ADGRG2: variants seen among roughly 807,000 people sequenced by gnomAD.
The protein encoded by ADGRG2 is G protein-coupled receptor 64.
Under a neutral mutation model 74.1 loss-of-function variants are expected in ADGRG2, and 26 were observed. The ratio of observed to expected loss-of-function variants is 0.35; its 90% CI spans 0.26 to 0.49. The LOEUF (loss-of-function observed/expected upper bound fraction) is 0.49, where lower values mean the gene tolerates loss of function less well. Ranked by LOEUF, ADGRG2 falls within the 20% of genes least tolerant of loss-of-function variation. The pLI, the probability that ADGRG2 is intolerant of heterozygous loss-of-function variation, is 0.99. For missense variants in ADGRG2, 619 were observed against 763.1 expected, an observed-to-expected ratio of 0.81 and a Z score of 2.22; for synonymous variants, 296 against 295.2, an observed-to-expected ratio of 1.00 and a Z score of -0.03.
intron 2 of ADGRG2, among the ~76,000 whole-genome samples, chrX:19,070,967 CTTCA>C (rs368910522): frequency 0.018 from 2,012 of 111,096 alleles, 15 homozygotes; most frequent in African/African-American, 0.031. Context: ...TAGCTGTGCT[CTTCA>C]TTCATTCATT....
intron 2 of ADGRG2, among the ~76,000 whole-genome samples, chrX:19,074,121 GA>G (rs1326223867): frequency 7.4e-5 from 8 of 107,487 alleles, no homozygotes; most frequent in Non-Finnish European, 1.2e-4. Flanking sequence ...ATATCTCAGG[GA>G]AAAAAAAAAT....
chrX:19,089,388 ACAAGTTTACC>A (rs1424317894), intron 1 of ADGRG2, among the ~76,000 whole-genome samples: 6 of 111,481 alleles, frequency 5.4e-5, no homozygotes, highest in African/African-American at 2.0e-4. Flanking sequence ...CCCCCATGAC[ACAAGTTTACC>A]CATATAACAA....
At chrX:19,058,265 G>T (rs2061435436) in intron 3 of ADGRG2, among the ~76,000 whole-genome samples, 3 of 111,280 alleles carry the variant, frequency 2.7e-5, no homozygotes. Context: ...GTCATATTAT[G>T]CAACTCACTT....
intron 3 of ADGRG2, among the ~76,000 whole-genome samples, chrX:19,056,091 T>C (rs964464137): frequency 1.8e-5 from 2 of 110,344 alleles, no homozygotes; most frequent in Non-Finnish European, 3.8e-5. Flanking sequence ...TATACCCACA[T>C]CCATTGGCCA....
chrX:19,010,670 T>C lies in ADGRG2; in HGVS notation c.1208A>G (p.Asn403Ser). 1 of 1,209,399 alleles carries C rather than the reference T, an allele frequency of 8.3e-7. No homozygotes were observed. Among genetic ancestry groups the C allele is most frequent in the South Asian group, 1.8e-5 (1 of 56,743 alleles). ...GGAATGAAGGAGTCTGCTGACTTGG[T>C]TGATCATTTCTCCTGCGAGGTTAGG... ...LEPNLAGEMI[N>S]QVSRLLHSPP... Residue 403 changes from asparagine to serine, a missense_variant, in exon 17 of 29, where the codon AAC becomes AGC. Transcript: ENST00000379869.
chrX:19,018,273 TTTTGTTTGTTTG>T (rs974836715), intron 15 of ADGRG2, among the ~76,000 whole-genome samples: 1 of 109,466 alleles, frequency 9.1e-6, no homozygotes, highest in Non-Finnish European at 1.9e-5. Context: ...ATGCCCAGTT[TTTTGTTTGTTTG>T]TTTGTTTGTT....
At chrX:19,048,734 G>A (rs1316231059) in intron 3 of ADGRG2, among the ~76,000 whole-genome samples, 2 of 112,250 alleles carry the variant, frequency 1.8e-5, no homozygotes, top group Non-Finnish European at 3.8e-5. Context: ...GCTGGTCCTG[G>A]CCCGTGCTGA....
In ADGRG2 at chrX:18,999,407, A is replaced by G. The variant is rs1053062381; in HGVS notation, c.2331-128T>C. Reference sequence around the variant, plus strand: ...CTACCAGTACAAGAGAAAAAAAATGATAAAACTGCTATTCTCTACAACCAT... The same window carrying G: ...CTACCAGTACAAGAGAAAAAAAATGGTAAAACTGCTATTCTCTACAACCAT... On this transcript the variant is annotated intron_variant, in intron 25 of 28. Transcript: ENST00000379869. The G allele has an allele frequency of 4.8e-5, 26 of 545,673 alleles. No homozygotes were observed. The Admixed American group carries it at 8.3e-4, about 17-fold the overall frequency. The allele number at this position is 545,673 out of a possible 1,213,427, so 45.0% of individuals were successfully genotyped here.
At chrX:19,043,164 T>C (rs971633285) in intron 3 of ADGRG2, among the ~76,000 whole-genome samples, 1 of 111,867 alleles carries the variant, frequency 8.9e-6, no homozygotes, top group African/African-American at 3.3e-5. Context: ...TCTGCTTTTT[T>C]CTTTTGGCAT....
chrX:19,055,298 G>A (rs997158710), intron 3 of ADGRG2, among the ~76,000 whole-genome samples: 2 of 111,787 alleles, frequency 1.8e-5, no homozygotes, highest in Admixed American at 9.4e-5. Context: ...GCGCGCACGC[G>A]CGTGCACGCA....
chrX:19,019,004 G>A (rs948636057), intron 15 of ADGRG2, among the ~76,000 whole-genome samples: 38 of 111,122 alleles, frequency 3.4e-4, no homozygotes, highest in South Asian at 7.5e-4. Context: ...CACCATGCCC[G>A]GCTAATTTTT....
chrX:19,067,805 C>T (rs1487035818), intron 3 of ADGRG2, among the ~76,000 whole-genome samples: 1 of 111,809 alleles, frequency 8.9e-6, no homozygotes, highest in Non-Finnish European at 1.9e-5. Context: ...AAAAACAACC[C>T]AATTCAAAAC....
chrX:19,082,993 ATGTGT>A (rs764804003), intron 1 of ADGRG2, among the ~76,000 whole-genome samples: 2 of 110,072 alleles, frequency 1.8e-5, no homozygotes, highest in Non-Finnish European at 3.8e-5. Context: ...GATCTTGTTA[ATGTGT>A]TTTGTTTTGT....
At chrX:19,091,352 G>T (rs1028181429) in intron 1 of ADGRG2, among the ~76,000 whole-genome samples, 14 of 110,163 alleles carry the variant, frequency 1.3e-4, no homozygotes, top group African/African-American at 4.6e-4. Flanking sequence ...GAATAGGAGG[G>T]GGTCTTAGTG....
At chrX:19,119,010 C>T (rs2062570805) in intron 1 of ADGRG2, among the ~76,000 whole-genome samples, 2 of 111,802 alleles carry the variant, frequency 1.8e-5, no homozygotes, top group South Asian at 7.5e-4. Context: ...GGACAGCAAA[C>T]AAATCAGTGG....
chrX:19,114,011 G>A (rs1457433882), intron 1 of ADGRG2, among the ~76,000 whole-genome samples: 1 of 104,013 alleles, frequency 9.6e-6, no homozygotes, highest in Non-Finnish European at 2.0e-5. Flanking sequence ...GGCAGAGGTT[G>A]CAGTGAGCCG....
intron 26 of ADGRG2, among the ~76,000 whole-genome samples, chrX:18,998,269 C>A (rs2060054528): frequency 9.0e-6 from 1 of 111,548 alleles, no homozygotes; most frequent in African/African-American, 3.3e-5. Context: ...TGAGCTCCCA[C>A]AGGCACAGTC....
At chrX:18,997,148 C>T (rs766006815) in intron 26 of ADGRG2, among the ~76,000 whole-genome samples, 1 of 111,761 alleles carries the variant, frequency 8.9e-6, no homozygotes, top group Admixed American at 9.5e-5. Flanking sequence ...ACCGTCAAGA[C>T]CCATGTCTGA....
rs143610341 is a variant in ADGRG2, at chrX:19,117,805, A to G, written c.-47+4637T>C. Among the ~76,000 whole-genome samples the G allele has an allele frequency of 4.8e-3, 529 of 111,025 alleles. 3 individuals are homozygous for G. Among genetic ancestry groups the G allele is most frequent in the African/African-American group, 0.016 (495 of 30,540 alleles). The stretch of plus-strand genomic sequence containing the variant: ...TGCTCTCCAGCCTAGTTGACAGAGC[A>G]GGACTCTATCTAAATAAAATAAAAT... On this transcript the variant is annotated intron_variant, in intron 1 of 28. Transcript: ENST00000379869.
Sources: gnomAD v4.1 joint callset for allele counts (sites outside exome capture counted in the v4.1 genomes callset) on GRCh38, gnomAD v4.1.1 for gene constraint, MANE v1.5 for transcripts, NCBI Gene and HGNC (gene_info 2026-07-23, HGNC 2026-07-21) for gene names.